The following MCF2 variants were observed in gnomAD, a reference collection of about 807,000 sequenced individuals.
MCF2 encodes MCF.2 cell line derived transforming sequence.
Under a neutral mutation model 82.5 loss-of-function variants are expected in MCF2, and 44 were observed. The ratio of observed to expected loss-of-function variants is 0.53; its 90% CI spans 0.42 to 0.69. MCF2 has a LOEUF of 0.69. Ranked by LOEUF, MCF2 falls within the 30% of genes least tolerant of loss-of-function variation. The pLI is 0.00. For missense variants in MCF2, 623 were observed against 663.1 expected (o/e 0.94, Z 0.66); for synonymous variants, 217 against 224.9 (o/e 0.96, Z 0.32).
chrX:139,627,694 T>C (rs1932796162), intron 4 of MCF2, among the ~76,000 whole-genome samples: 1 of 111,841 alleles, frequency 8.9e-6, no homozygotes, highest in African/African-American at 3.2e-5. Context: ...TTGTTATACA[T>C]AGATCAGTTT....
intron 6 of MCF2, among the ~76,000 whole-genome samples, chrX:139,621,045 G>A (rs193206070): frequency 1.1e-4 from 12 of 110,964 alleles, no homozygotes; most frequent in African/African-American, 3.6e-4. Flanking sequence ...ATAAAGCCAC[G>A]CATCTACAAC....
At chrX:139,637,739 A>G (rs1569374903) in intron 1 of MCF2, among the ~76,000 whole-genome samples, 1 of 111,686 alleles carries the variant, frequency 9.0e-6, no homozygotes, top group Non-Finnish European at 1.9e-5. Context: ...ATCCTCAAAG[A>G]TGTCTACATC....
At chrX:139,596,733 C>G (rs1930136851) in exon 19 of MCF2, 8 of 1,209,187 alleles carry the variant, frequency 6.6e-6, no homozygotes, top group Non-Finnish European at 7.8e-6. Flanking sequence ...GCTGAATCCA[C>G]CTTGCATTAT....
chrX:139,671,342 C>T (rs1934683948), intron 1 of MCF2, among the ~76,000 whole-genome samples: 1 of 111,863 alleles, frequency 8.9e-6, no homozygotes, highest in Non-Finnish European at 1.9e-5. Flanking sequence ...TCAAGTTTGG[C>T]TTTTGTTGCC....
Position 139,687,445 on chromosome X carries a change from A to G in MCF2, c.-45+20661T>C, listed in dbSNP as rs186976312. Among the ~76,000 whole-genome samples, 792 of 113,323 alleles carry G rather than the reference A, an allele frequency of 7.0e-3. 6 individuals are homozygous for G. The highest frequency in any genetic ancestry group is 0.023 in the African/African-American group (734 of 31,264). ...GCACTGGCCTTGTCAGCCATCAGAT[A>G]GAAGGCATCTCTCCTCATGGGATTG... On this transcript the variant is annotated intron_variant, in intron 1 of 27. Transcript: ENST00000414978.
intron 9 of MCF2, among the ~76,000 whole-genome samples, 160 bp downstream of exon 12, chrX:139,616,122 T>C (rs892744594): frequency 9.0e-5 from 10 of 111,497 alleles, no homozygotes; most frequent in African/African-American, 2.9e-4. Flanking sequence ...TGCCTTTGAA[T>C]TATTTGATGC....
chrX:139,617,781 G>A, intron 7 of MCF2, 77 bp from the exon 11 acceptor site: 8 of 615,478 alleles, frequency 1.3e-5, no homozygotes, highest in Non-Finnish European at 1.8e-5. Flanking sequence ...AAATAATTAA[G>A]AAGCAAAATG....
chrX:139,605,708 C>T lies in MCF2; in HGVS notation c.1557+5G>A. The stretch of plus-strand genomic sequence containing the variant: ...GATAGGGCAAATACAATTTGAGTCG[C>T]TTACCAACAAAACAGTATACAGTTC... On this transcript the variant is annotated splice_donor_5th_base_variant and intron_variant, in intron 13 of 24. Coordinates refer to ENST00000370576, the Ensembl canonical transcript of MCF2. 1 of 1,193,062 alleles carries T rather than the reference C, an allele frequency of 8.4e-7. No individual in the cohort carries two copies.
intron 1 of MCF2, among the ~76,000 whole-genome samples, chrX:139,671,881 T>C (rs886864593): frequency 4.5e-5 from 5 of 111,827 alleles, no homozygotes; most frequent in African/African-American, 1.6e-4. Context: ...GGGGATGGCA[T>C]TGAATGTATA....
rs1287108393 is a variant in MCF2 at position 139,621,890 on chromosome X, A to C, written c.688-2184T>G. ...CAAAATTGACAAATGGGATCTAATT[A>C]AACTAAAGAGCTTCTGCACAGCAAA... is the stretch of plus-strand genomic sequence containing the variant. On this transcript the variant is annotated intron_variant, in intron 6 of 24. Coordinates refer to ENST00000370576, the Ensembl canonical transcript of MCF2. 1.2e-4 allele frequency among the ~76,000 whole-genome samples: 13 copies of C among 111,380 alleles called. No homozygotes were observed. The South Asian group carries it at 1.5e-3, about 13-fold the overall frequency.
Position 139,594,642 on chromosome X carries a change from T to A in MCF2, c.2277+1907A>T, listed in dbSNP as rs542570713. 4.5e-5 allele frequency among the ~76,000 whole-genome samples: 5 copies of A among 110,724 alleles called. No individual in the cohort carries two copies. In the Admixed American group the frequency reaches 4.8e-4, roughly 11 times the overall value. On this transcript the variant is annotated intron_variant, in intron 19 of 24. Coordinates refer to ENST00000370576, the Ensembl canonical transcript of MCF2. ...AAAATCCTAGAAGAAAACCTAGGCA[T>A]TACCATTCAGGACATAGGCATGGGC...
chrX:139,583,951 G>A (rs957449421), intron 24 of MCF2, among the ~76,000 whole-genome samples: 2 of 110,101 alleles, frequency 1.8e-5, no homozygotes, highest in Non-Finnish European at 3.8e-5. Context: ...AATAAAGCCC[G>A]CTCTTTTTCA....
chrX:139,689,584 T>C (rs1197734058), intron 1 of MCF2, among the ~76,000 whole-genome samples: 2 of 109,044 alleles, frequency 1.8e-5, no homozygotes, highest in Non-Finnish European at 3.8e-5. Context: ...TACACTCCAG[T>C]CATTTAAAAG....
At chrX:139,696,568 T>C (rs1046353759) in intron 1 of MCF2, among the ~76,000 whole-genome samples, 27 of 110,872 alleles carry the variant, frequency 2.4e-4, no homozygotes, top group Non-Finnish European at 2.1e-4. Flanking sequence ...AGATTACAGT[T>C]GCATGCCACC....
chrX:139,647,584 G>T (rs17002206), upstream of MCF2, among the ~76,000 whole-genome samples: 3,419 of 110,858 alleles, frequency 0.031, 130 homozygotes, highest in African/African-American at 0.11. Context: ...TGACCAAGTG[G>T]GTGACCTTGA....
chrX:139,627,463 G>A (rs1490111878), intron 4 of MCF2, among the ~76,000 whole-genome samples: 3 of 111,491 alleles, frequency 2.7e-5, no homozygotes, highest in Non-Finnish European at 5.7e-5. Context: ...TATTCAGAAG[G>A]GCTTAACCTC....
At chrX:139,588,477 A>C (rs376597482) in intron 20 of MCF2, 39 bp from the exon 25 acceptor site, 1 of 874,285 alleles carries the variant, frequency 1.1e-6, no homozygotes, top group East Asian at 3.1e-5. Context: ...GGTGGTACAC[A>C]TTTCCTTTTA....
At chrX:139,594,439 G>T (rs1360660778) in intron 19 of MCF2, among the ~76,000 whole-genome samples, 4 of 110,171 alleles carry the variant, frequency 3.6e-5, no homozygotes, top group Non-Finnish European at 5.7e-5. Flanking sequence ...ACAACTATCT[G>T]ATCTTTGACA....
chrX:139,679,637 A>G (rs942399402), intron 1 of MCF2, among the ~76,000 whole-genome samples: 2 of 110,760 alleles, frequency 1.8e-5, no homozygotes, highest in Non-Finnish European at 3.8e-5. Context: ...AGTAGTATTG[A>G]GCCCAGGATG....
Sources: allele counts gnomAD v4.1 joint callset (sites outside exome capture counted in the v4.1 genomes callset), GRCh38; gene constraint gnomAD v4.1.1; transcripts MANE v1.5; gene names NCBI Gene and HGNC (gene_info 2026-07-23, HGNC 2026-07-21).